Variants in MSANTD7 observed in about 807,000 individuals in gnomAD.
MSANTD7 encodes Myb/SANT DNA binding domain containing 7.
chr10:14,842,404 A>G, the MSANTD7 span: 1 of 1,536,194 alleles, frequency 6.5e-7, no homozygotes. This position sits in a 1 kb window ranked among gnomAD's most constrained non-coding sequence, Gnocchi z 5.2. Flanking sequence ...ATCACAATGC[A>G]GATGTCTATC....
chr10:14,839,686 G>T, the MSANTD7 span, among the ~76,000 whole-genome samples: 2 of 152,114 alleles, frequency 1.3e-5, no homozygotes, highest in Admixed American at 1.3e-4. Context: ...TGATTCAATT[G>T]TTGACTTTGC....
chr10:14,838,723 G>A, the MSANTD7 span: 2 of 476,054 alleles, frequency 4.2e-6, no homozygotes, highest in Admixed American at 8.0e-5. Context: ...CGGGATGCCC[G>A]GAGGGGTCCC....
the MSANTD7 span, chr10:14,844,737 C>A: frequency 8.3e-6 from 8 of 965,218 alleles, no homozygotes; most frequent in East Asian, 5.8e-4. Context: ...TATGTAAATT[C>A]TTTGCATTTC....
the MSANTD7 span, among the ~76,000 whole-genome samples, chr10:14,839,075 G>C: frequency 1.3e-5 from 2 of 152,210 alleles, no homozygotes; most frequent in Non-Finnish European, 2.9e-5. Flanking sequence ...AAGCTGCCTG[G>C]CTGTGAAGCC....
chr10:14,840,017 A>G, the MSANTD7 span: 1 of 1,522,140 alleles, frequency 6.6e-7, no homozygotes. Flanking sequence ...TACTTCTGAA[A>G]TAATTTAAAA....
At chr10:14,846,910 A>G in the MSANTD7 span, 1 of 985,462 alleles carries the variant, frequency 1.0e-6, no homozygotes, top group South Asian at 4.7e-5. Flanking sequence ...CATCATGTAA[A>G]TAAGGTGCTA....
At chr10:14,843,639 C>T in the MSANTD7 span, 1 of 1,550,244 alleles carries the variant, frequency 6.5e-7, no homozygotes, top group Non-Finnish European at 8.7e-7. Context: ...GGTCAGTGGC[C>T]AGGACTATCG....
chr10:14,843,478 C>G, the MSANTD7 span: 1 of 1,550,560 alleles, frequency 6.4e-7, no homozygotes, highest in Non-Finnish European at 8.7e-7. Flanking sequence ...GTCCGGGGAG[C>G]CCAGCCCCTG....
At chr10:14,838,602 AGGGCCGGGCAGGCCCGG>A in the MSANTD7 span, 1 of 762,256 alleles carries the variant, frequency 1.3e-6, no homozygotes, top group Non-Finnish European at 2.0e-6. Context: ...TCCGGAGCGA[AGGGCCGGGCAGGCCCGG>A]CCTCGCGCCT....
the MSANTD7 span, chr10:14,843,411 C>T: frequency 6.4e-7 from 1 of 1,550,900 alleles, no homozygotes; most frequent in Non-Finnish European, 8.7e-7. Flanking sequence ...GCTCCCACAG[C>T]CTTTTCAGAG....
the MSANTD7 span, chr10:14,841,328 A>G: frequency 6.6e-6 from 1 of 152,224 alleles, no homozygotes; most frequent in Non-Finnish European, 1.5e-5. Context: ...AAGTCTAGAA[A>G]AAAGAATCGT....
the MSANTD7 span, among the ~76,000 whole-genome samples, chr10:14,841,836 T>C: frequency 6.6e-6 from 1 of 152,242 alleles, no homozygotes; most frequent in South Asian, 2.1e-4. Flanking sequence ...TCCTTTAGCG[T>C]TAGCTGCCTC....
the MSANTD7 span, chr10:14,838,544 G>A: frequency 3.0e-6 from 4 of 1,336,656 alleles, no homozygotes; most frequent in South Asian, 1.3e-5. Context: ...TGAGAGCGGC[G>A]TGTCGCCGGC....
the MSANTD7 span, chr10:14,845,204 C>CTAA: frequency 4.1e-6 from 4 of 985,198 alleles, no homozygotes; most frequent in South Asian, 1.9e-4. Flanking sequence ...TACTCTCTGT[C>CTAA]ATTAAACTAA....
At chr10:14,842,835 C>T in the MSANTD7 span, 1 of 1,531,584 alleles carries the variant, frequency 6.5e-7, no homozygotes, top group Non-Finnish European at 8.7e-7. The surrounding 1 kb of genome is among the most constrained non-coding windows in gnomAD (Gnocchi z 5.2). Context: ...TGGGATGAAT[C>T]CTCGGGTGCA....
chr10:14,844,878 ATTTTTT>A, the MSANTD7 span: 1 of 985,088 alleles, frequency 1.0e-6, no homozygotes, highest in Non-Finnish European at 1.2e-6. Flanking sequence ...CTTTTCTGTT[ATTTTTT>A]TGTCTAGTAT....
At chr10:14,838,678 A>C in the MSANTD7 span, 1 of 510,446 alleles carries the variant, frequency 2.0e-6, no homozygotes, top group Non-Finnish European at 3.4e-6. Context: ...GCTCGCGGCG[A>C]TGTAGACGCG....
chr10:14,838,408 G>A, the MSANTD7 span: 15 of 1,604,628 alleles, frequency 9.3e-6, no homozygotes, highest in Non-Finnish European at 1.2e-5. Context: ...GCCTCATGGC[G>A]GCCATCGGAG....
the MSANTD7 span, chr10:14,845,447 A>G: frequency 1.0e-6 from 1 of 985,364 alleles, no homozygotes; most frequent in Non-Finnish European, 1.2e-6. Context: ...CCATGAGTAG[A>G]CGGCAAGCGA....
Sources: gnomAD v4.1 joint callset for allele counts (sites outside exome capture counted in the v4.1 genomes callset) on GRCh38, gnomAD v4.1.1 for gene constraint, Gnocchi (gnomAD v3.1) non-coding constraint, MANE v1.5 for transcripts, NCBI Gene and HGNC (gene_info 2026-07-23, HGNC 2026-07-21) for gene names.